The following PCDHA8 variants were observed in gnomAD, a reference collection of about 807,000 sequenced individuals.
PCDHA8 encodes the protein protocadherin alpha 8.
A neutral mutation model predicts 61.8 loss-of-function variants in PCDHA8; 53 were observed. The observed-to-expected ratio is 0.86, with a 90% confidence interval of 0.69 to 1.08. The LOEUF (loss-of-function observed/expected upper bound fraction) is 1.08. Ranked by LOEUF, PCDHA8 falls within the 50% of genes least tolerant of loss-of-function variation. The pLI is 0.00. For missense variants in PCDHA8, 1,293 were observed against 1,245.0 expected, an observed-to-expected ratio of 1.04 and a Z score of -0.58; for synonymous variants, 618 against 556.6, an observed-to-expected ratio of 1.11 and a Z score of -1.55.
At chr5:140,881,785 C>A (rs2058831561) in intron 1 of PCDHA8, among the ~76,000 whole-genome samples, 1 of 152,202 alleles carries the variant, frequency 6.6e-6, no homozygotes, top group South Asian at 2.1e-4. Context: ...AACTACCGAT[C>A]AATTGTCCCA....
At position 140,841,739 on chromosome 5, in the gene PCDHA8, C is replaced by A. The variant is rs2150321877; in HGVS notation, c.418C>A (p.Leu140Met). The A allele has an allele frequency of 3.7e-6, 6 of 1,613,880 alleles. No homozygotes were observed. In the South Asian group the frequency reaches 6.6e-5, roughly 18 times the overall value. Residue 140 changes from leucine to methionine, a missense_variant, in exon 1 of 4, where the codon CTG becomes ATG. Coordinates refer to ENST00000531613, the MANE Select transcript of PCDHA8 (RefSeq NM_018911.3). ...AGTGTTCCGGGTAAAAGACCAAAAG[C>A]TGTTTGTTTCAGAATCCAGAATGCC... The part of the protein sequence containing the change: ...PPVFRVKDQK[L>M]FVSESRMPDS...
intron 3 of PCDHA8, among the ~76,000 whole-genome samples, chr5:140,993,629 T>G (rs1359195159): frequency 5.9e-5 from 9 of 152,160 alleles, no homozygotes; most frequent in Non-Finnish European, 1.0e-4. Flanking sequence ...CTATATATAG[T>G]CGTGTACCAA....
Position 140,868,861 on chromosome 5 carries a change from T to G in PCDHA8, c.2394+25146T>G, listed in dbSNP as rs539900578. The G allele has an allele frequency of 3.6e-3, 1,881 of 525,394 alleles. 11 individuals carry two copies. Among genetic ancestry groups the G allele is most frequent in the Non-Finnish European group, 4.6e-3 (1,438 of 315,638 alleles). 32.5% of individuals were successfully genotyped at this position (525,394 alleles called of 1,614,324 possible). On this transcript the variant is annotated intron_variant, in intron 1 of 3. Coordinates refer to ENST00000531613, the MANE Select transcript of PCDHA8 (RefSeq NM_018911.3). ...ACACGTGAAATTCTGTGGTGGTAAA[T>G]GCAGTGCACAGTACTCACAGTTTTA...
intron 1 of PCDHA8, among the ~76,000 whole-genome samples, chr5:140,955,489 A>G (rs1554221953): frequency 1.3e-5 from 2 of 152,114 alleles, no homozygotes; most frequent in Non-Finnish European, 2.9e-5. Context: ...CCTTCCTGCC[A>G]CCATGTGAAG....
At position 140,876,322 on chromosome 5, in the gene PCDHA8, A is replaced by C. The variant is rs146464308; in HGVS notation, c.2394+32607A>C. On this transcript the variant is annotated intron_variant, in intron 1 of 3. Transcript: ENST00000531613. ...AGAAATTTCCTATGGGATCAAAATG[A>C]TTTTGCCAGTGAGTGAGAAATGTAT... 2.9e-4 allele frequency: 465 copies of C among 1,614,034 alleles called. 1 individual carries two copies. In the African/African-American group the frequency reaches 5.7e-3, roughly 20 times the overall value.
chr5:140,892,351 G>T (rs1554185157), intron 1 of PCDHA8, among the ~76,000 whole-genome samples: 1 of 152,112 alleles, frequency 6.6e-6, no homozygotes, highest in Non-Finnish European at 1.5e-5. Context: ...ATTGACTTTT[G>T]CCAGGCATCT....
rs568088223 is a variant in PCDHA8, at chr5:140,879,577, G to T, written c.2394+35862G>T. ...ATCCATGAAAGAATAAAATTGCCAA[G>T]ACAGACATTGAAAAGTGAAAAACAA... is the stretch of plus-strand genomic sequence containing the variant. On this transcript the variant is annotated intron_variant, in intron 1 of 3. Transcript: ENST00000531613. Among the ~76,000 whole-genome samples, 5 of 152,302 alleles carry T rather than the reference G, an allele frequency of 3.3e-5. No homozygotes were observed. In the South Asian group the frequency reaches 1.0e-3, roughly 32 times the overall value.
At chr5:140,965,311 T>G (rs1415569065) in intron 1 of PCDHA8, among the ~76,000 whole-genome samples, 1 of 152,180 alleles carries the variant, frequency 6.6e-6, no homozygotes, top group Non-Finnish European at 1.5e-5. Context: ...TTCTACCTTC[T>G]CTTTTACTGA....
intron 1 of PCDHA8, chr5:140,967,457 G>A: frequency 6.2e-7 from 1 of 1,613,614 alleles, no homozygotes; most frequent in Non-Finnish European, 8.5e-7. Context: ...CACAGCCGTG[G>A]ATGGGGGCAT....
intron 1 of PCDHA8, among the ~76,000 whole-genome samples, chr5:140,906,668 C>G (rs1554192641): frequency 1.3e-5 from 2 of 152,152 alleles, no homozygotes; most frequent in African/African-American, 4.8e-5. Flanking sequence ...TGTAGTGACC[C>G]AAACCTTCAT....
chr5:140,843,318 T>C lies in PCDHA8; in HGVS notation c.1997T>C (p.Leu666Pro), dbSNP rs2150190993. ...EPALTATATV[L>P]VSLVESGQAP... ...GCGCTGACCGCCACGGCCACGGTTC[T>C]GGTGTCGCTGGTGGAGAGCGGCCAG... The change falls in exon 1 of 4, where the codon CTG (leucine) becomes CCG (proline). Residue 666 changes from leucine (L) to proline (P), a missense_variant. By Grantham distance (98) the Leu-to-Pro change is moderately conservative. Coordinates refer to ENST00000531613, the MANE Select transcript of PCDHA8 (RefSeq NM_018911.3). 1.9e-6 allele frequency: 3 copies of C among 1,596,010 alleles called. No individual in the cohort carries two copies. Among genetic ancestry groups the C allele is most frequent in the East Asian group, 2.2e-5 (1 of 44,824 alleles).
chr5:140,876,979 G>A (rs1554169178), intron 1 of PCDHA8: 2 of 1,612,614 alleles, frequency 1.2e-6, no homozygotes, highest in South Asian at 2.2e-5. Flanking sequence ...GGGCGAGCAC[G>A]CACTGTCGAG....
chr5:140,871,534 T>G, intron 1 of PCDHA8: 1 of 1,514,416 alleles, frequency 6.6e-7, no homozygotes, highest in Non-Finnish European at 8.9e-7. Context: ...GAAGTGTATG[T>G]GAAATTATTT....
chr5:140,880,147 A>G (rs986031880), intron 1 of PCDHA8, among the ~76,000 whole-genome samples: 1 of 152,254 alleles, frequency 6.6e-6, no homozygotes, highest in African/African-American at 2.4e-5. Context: ...AAAGTGCAAT[A>G]TATCAAGTAT....
At chr5:140,975,283 A>G (rs1554236730) in intron 1 of PCDHA8, among the ~76,000 whole-genome samples, 1 of 152,122 alleles carries the variant, frequency 6.6e-6, no homozygotes, top group Non-Finnish European at 1.5e-5. Context: ...TGACCTCTAG[A>G]CCCAGATTTA....
chr5:140,968,553 G>T (rs782583876), intron 1 of PCDHA8: 1 of 1,614,132 alleles, frequency 6.2e-7, no homozygotes. Context: ...ATGGTGCCTC[G>T]AACTGCCCCT....
intron 1 of PCDHA8, chr5:140,967,407 G>A: frequency 6.2e-7 from 1 of 1,613,098 alleles, no homozygotes; most frequent in South Asian, 1.1e-5. Context: ...CTGCGTAAGG[G>A]CCTAGACCGG....
chr5:140,947,229 GA>G lies in PCDHA8; in HGVS notation c.2395-31711del, dbSNP rs201242412. On this transcript the variant is annotated intron_variant, in intron 1 of 3. Transcript: ENST00000531613. ...AAGAAAATCCTGTCATTTATGACAGGAAAAAAAAATAAGATAATCCAATGTA... is the reference window on the plus strand; with the variant it reads ...AAGAAAATCCTGTCATTTATGACAGGAAAAAAAATAAGATAATCCAATGTA... 1.0e-3 allele frequency among the ~76,000 whole-genome samples: 154 copies of G among 148,902 alleles called. 1 individual carries two copies. The highest frequency in any genetic ancestry group is 8.9e-3 in the Admixed American group (133 of 14,994).
chr5:140,857,815 G>A (rs782354426), intron 1 of PCDHA8: 2 of 1,597,792 alleles, frequency 1.3e-6, no homozygotes, highest in East Asian at 4.5e-5. Context: ...CGGGTCACGT[G>A]GTGGCTAAGG....
Sources: gnomAD v4.1 joint callset for allele counts (sites outside exome capture counted in the v4.1 genomes callset) on GRCh38, gnomAD v4.1.1 for gene constraint, MANE v1.5 for transcripts, NCBI Gene and HGNC (gene_info 2026-07-23, HGNC 2026-07-21) for gene names.